Variants in DCAF17 observed in about 807,000 individuals in gnomAD.
The protein encoded by DCAF17 is DDB1 and CUL4 associated factor 17.
Under a neutral mutation model 66.0 loss-of-function variants are expected in DCAF17, and 48 were observed. The observed-to-expected ratio is 0.73, with a 90% CI of 0.58 to 0.92. The LOEUF (loss-of-function observed/expected upper bound fraction) is 0.92, where lower values mean the gene tolerates loss of function less well. Among genes scored for constraint, DCAF17 ranks in the 40% least tolerant of loss-of-function variants. The pLI is 0.00. For missense variants in DCAF17, 562 were observed against 622.8 expected (o/e 0.90, Z 1.04); for synonymous variants, 206 against 214.6 (o/e 0.96, Z 0.35).
Position 171,448,608 on chromosome 2 carries a change from C to T in DCAF17, c.322-73C>T, listed in dbSNP as rs550175967. On this transcript the variant is annotated intron_variant, in intron 3 of 13. Coordinates refer to ENST00000375255, the MANE Select transcript of DCAF17 (RefSeq NM_025000.4). ...TGGCATTTGAATATTTAGCTATTTT[C>T]TTTGGACATTGATTACTGCAAATTG... The T allele has an allele frequency of 1.4e-5, 19 of 1,354,848 alleles. No homozygotes were observed. The East Asian group carries it at 3.7e-4, about 26-fold the overall frequency. 83.9% of individuals were successfully genotyped at this position (1,354,848 alleles called of 1,614,324 possible).
intron 2 of DCAF17, among the ~76,000 whole-genome samples, chr2:171,435,490 T>C (rs982096824): frequency 2.0e-5 from 3 of 151,692 alleles, no homozygotes; most frequent in African/African-American, 7.3e-5. Context: ...CAGTTGCCAA[T>C]CAAATAATTA....
chr2:171,467,446 T>G (rs1038439873), intron 8 of DCAF17, among the ~76,000 whole-genome samples: 7 of 152,072 alleles, frequency 4.6e-5, no homozygotes, highest in African/African-American at 1.7e-4. Context: ...CCAAGCACTT[T>G]GGGAGGCCGA....
Position 171,473,864 on chromosome 2 carries a change from A to G in DCAF17, c.982-2A>G, listed in dbSNP as rs780493577. 1 of 1,611,466 alleles carries G rather than the reference A, an allele frequency of 6.2e-7. No homozygotes were observed. Among genetic ancestry groups the G allele is most frequent in the Non-Finnish European group, 8.5e-7 (1 of 1,178,006 alleles). On this transcript the variant is annotated splice_acceptor_variant, in intron 9 of 13. Transcript: ENST00000375255. LOFTEE classifies it high-confidence loss of function. Reference sequence around the variant, plus strand: ...GTCTTTAATACTTTTTTCCAACTTCAGGCAAAAAATGGGATCCAAGAAATG... The same window carrying G: ...GTCTTTAATACTTTTTTCCAACTTCGGGCAAAAAATGGGATCCAAGAAATG...
chr2:171,476,770 ATTTG>A lies in DCAF17; in HGVS notation c.1092-87_1092-84del, dbSNP rs2105808342. Reference sequence around the variant, plus strand: ...CTACCTCAGTGTTACTATAATTTTTATTTGTTGAGTTTTACTTCAGTACTTAAAC... The same window carrying A: ...CTACCTCAGTGTTACTATAATTTTTATTGAGTTTTACTTCAGTACTTAAAC... On this transcript the variant is annotated intron_variant, in intron 10 of 13. Coordinates refer to ENST00000375255, the MANE Select transcript of DCAF17 (RefSeq NM_025000.4). 3.5e-6 allele frequency: 3 copies of A among 860,062 alleles called. No homozygotes were observed. The South Asian group carries it at 4.2e-5, about 12-fold the overall frequency. 53.3% of individuals were successfully genotyped at this position (860,062 alleles called of 1,614,324 possible). A position where few individuals can be genotyped will look rare whatever the true frequency, so the allele number is the denominator to read the frequency against.
At chr2:171,461,790 C>G (rs1051139517) in intron 8 of DCAF17, among the ~76,000 whole-genome samples, 1 of 152,172 alleles carries the variant, frequency 6.6e-6, no homozygotes, top group Non-Finnish European at 1.5e-5. Flanking sequence ...CAAAAAGTTC[C>G]CCTGTGCTCT....
chr2:171,449,699 G>A (rs182481451), intron 4 of DCAF17, among the ~76,000 whole-genome samples, 180 bp from the exon 5 acceptor site: 6 of 151,866 alleles, frequency 4.0e-5, no homozygotes, highest in Non-Finnish European at 7.4e-5. Flanking sequence ...ATTTAAATAG[G>A]GATATGTCCA....
chr2:171,448,581 T>A (rs1694770008), intron 3 of DCAF17, 100 bp from the exon 4 acceptor site: 4 of 1,077,642 alleles, frequency 3.7e-6, no homozygotes, highest in Non-Finnish European at 5.2e-6. Context: ...GGTTTATTTA[T>A]TTGGCATTTG....
intron 1 of DCAF17, 41 bp downstream of exon 1, chr2:171,434,744 C>T: frequency 7.2e-7 from 1 of 1,391,856 alleles, no homozygotes; most frequent in South Asian, 1.6e-5. Flanking sequence ...GGGCCGCGGG[C>T]GCGCGGCGGC....
At chr2:171,443,374 AG>A in intron 2 of DCAF17, 148 bp from the exon 3 acceptor site, 1 of 603,294 alleles carries the variant, frequency 1.7e-6, no homozygotes, top group South Asian at 2.2e-5. Context: ...TTATGTGATC[AG>A]AAAAAAATAT....
intron 11 of DCAF17, 144 bp from the exon 12 acceptor site, chr2:171,477,843 T>C: frequency 1.4e-6 from 1 of 714,784 alleles, no homozygotes; most frequent in East Asian, 2.8e-5. Flanking sequence ...ATCAGAAATC[T>C]GATTCAGAAT....
At chr2:171,474,493 T>C (rs1696405240) in intron 10 of DCAF17, 1 of 167,892 alleles carries the variant, frequency 6.0e-6, no homozygotes, top group African/African-American at 2.4e-5. Context: ...TTCATGTTCT[T>C]CCTTCTCTAC....
intron 8 of DCAF17, 122 bp from the exon 9 acceptor site, chr2:171,468,766 G>GTA: frequency 7.6e-7 from 1 of 1,323,188 alleles, no homozygotes; most frequent in Non-Finnish European, 1.1e-6. Flanking sequence ...CTTGAACATA[G>GTA]TAATTTTTCA....
At chr2:171,478,265 A>G (rs756579625) in intron 12 of DCAF17, among the ~76,000 whole-genome samples, 195 bp downstream of exon 12, 1 of 152,190 alleles carries the variant, frequency 6.6e-6, no homozygotes, top group Non-Finnish European at 1.5e-5. Context: ...AATTATTCTT[A>G]AAGTTTTATT....
At chr2:171,457,945 G>A in intron 6 of DCAF17, 26 bp from the exon 7 acceptor site, 1 of 1,549,468 alleles carries the variant, frequency 6.5e-7, no homozygotes, top group South Asian at 1.1e-5. Context: ...CTTTTCTCAG[G>A]TGATATCTGT....
intron 2 of DCAF17, among the ~76,000 whole-genome samples, chr2:171,437,250 G>C (rs1002638315): frequency 2.6e-5 from 4 of 152,116 alleles, no homozygotes; most frequent in Admixed American, 6.6e-5. Context: ...TCCACTTTGA[G>C]TTAATTTTAG....
Position 171,443,577 on chromosome 2 carries a change from A to G in DCAF17, c.285A>G (p.Glu95=). 6.2e-7 allele frequency: 1 copy of G among 1,613,194 alleles called. No individual in the cohort carries two copies. The highest frequency in any genetic ancestry group is 8.5e-7 in the Non-Finnish European group (1 of 1,179,494). ...LYEMPKCSKS[E]KIEDALLWEC... is the part of the protein sequence containing the mutation. ...AAATGCCAAAATGTTCCAAATCAGA[A>G]AAAATAGAGGATGCTTTATTATGGG... Residue 95 remains glutamate, a synonymous_variant, in exon 3 of 14, where the codon GAA becomes GAG. Coordinates refer to ENST00000375255, the MANE Select transcript of DCAF17 (RefSeq NM_025000.4).
rs1213402190 is a variant in DCAF17 at position 171,480,994 on chromosome 2, CTT to C, written c.1445_1446del (p.Phe482Ter). ...TACAGACATATAGCCATGAAGTCTA[CTT>C]TGACAGAGACTTGGTGCTACACATA... is the stretch of plus-strand genomic sequence containing the variant. Reference protein sequence around the residue: ...WDVTYSHEVYFDRDLVLHIEQ... With the variant: ...WDVTYSHEVYXDRDLVLHIEQ... On this transcript the variant is annotated frameshift_variant, in exon 14 of 14. Coordinates refer to ENST00000375255, the MANE Select transcript of DCAF17 (RefSeq NM_025000.4). LOFTEE classifies it high-confidence loss of function. The C allele has an allele frequency of 6.2e-7, 1 of 1,613,652 alleles. No homozygotes were observed. The highest frequency in any genetic ancestry group is 8.5e-7 in the Non-Finnish European group (1 of 1,179,706).
Position 171,460,574 on chromosome 2 carries a change from A to G in DCAF17, c.838+2097A>G, listed in dbSNP as rs143073006. ...GAGACAGGGTCTCACTCTGTTGCCCAGAGTGGAGTGCAGTGGAGAGATCAC... is the reference window on the plus strand; with the variant it reads ...GAGACAGGGTCTCACTCTGTTGCCCGGAGTGGAGTGCAGTGGAGAGATCAC... On this transcript the variant is annotated intron_variant, in intron 8 of 13. Coordinates refer to ENST00000375255, the MANE Select transcript of DCAF17 (RefSeq NM_025000.4). 1.5e-3 allele frequency among the ~76,000 whole-genome samples: 220 copies of G among 150,724 alleles called. 4 individuals are homozygous for G. The East Asian group carries it at 0.016, about 11-fold the overall frequency.
At chr2:171,441,207 G>A (rs1694289477) in intron 2 of DCAF17, among the ~76,000 whole-genome samples, 1 of 152,180 alleles carries the variant, frequency 6.6e-6, no homozygotes, top group African/African-American at 2.4e-5. Flanking sequence ...TCTGGAAAGA[G>A]CCACAGAGCT....
Sources: gnomAD v4.1 joint callset for allele counts (sites outside exome capture counted in the v4.1 genomes callset) on GRCh38, gnomAD v4.1.1 for gene constraint, MANE v1.5 for transcripts, NCBI Gene and HGNC (gene_info 2026-07-23, HGNC 2026-07-21) for gene names.